BTBD3: variants seen among roughly 807,000 people sequenced by gnomAD.
The protein encoded by BTBD3 is BTB/POZ domain-containing protein 3.
Under a neutral mutation model 41.6 loss-of-function variants are expected in BTBD3, and 14 were observed. That is an observed-to-expected ratio of 0.34 (90% CI 0.22 to 0.53). BTBD3 has a LOEUF of 0.53. Ranked by LOEUF, BTBD3 falls within the 20% of genes least tolerant of loss-of-function variation. The pLI is 0.95. For synonymous variants in BTBD3, 249 were observed against 233.7 expected, an observed-to-expected ratio of 1.07 and a Z score of -0.60; for missense variants, 426 against 654.7, an observed-to-expected ratio of 0.65 and a Z score of 3.81.
chr20:11,901,258 G>T (rs1280792654), intron 1 of BTBD3, among the ~76,000 whole-genome samples: 1 of 152,228 alleles, frequency 6.6e-6, no homozygotes, highest in Non-Finnish European at 1.5e-5. Context: ...TTAGACATCA[G>T]TGTTGGGTGG....
chr20:11,914,155 A>C (rs2056904584), upstream of BTBD3, among the ~76,000 whole-genome samples: 1 of 152,220 alleles, frequency 6.6e-6, no homozygotes, highest in South Asian at 2.1e-4. Context: ...AGTAAAATGT[A>C]GCAGTAGACA....
rs2057016599 is a variant in BTBD3, at chr20:11,926,015, T to C, written c.*2349T>C. On this transcript the variant is annotated 3_prime_UTR_variant, in exon 4 of 4. Coordinates refer to ENST00000378226, the MANE Select transcript of BTBD3 (RefSeq NM_014962.4). ...AAAATTGTATTTAGAATAAGAAATT[T>C]TACATTTTAAACCCTATTGTCCTTT... 1 of 152,206 alleles carries C rather than the reference T, an allele frequency of 6.6e-6. No individual in the cohort carries two copies. The highest frequency in any genetic ancestry group is 6.5e-5 in the Admixed American group (1 of 15,282). 9.4% of individuals were successfully genotyped at this position (152,206 alleles called of 1,614,324 possible). A position where few individuals can be genotyped will look rare whatever the true frequency, so the allele number is the denominator to read the frequency against.
intron 3 of BTBD3, among the ~76,000 whole-genome samples, chr20:11,920,428 A>G (rs2056960449): frequency 6.6e-6 from 1 of 152,238 alleles, no homozygotes; most frequent in African/African-American, 2.4e-5. Flanking sequence ...AGATATGGAT[A>G]GTCTCGTACA....
At chr20:11,894,047 C>A (rs1258780979) in intron 1 of BTBD3, among the ~76,000 whole-genome samples, 1 of 152,260 alleles carries the variant, frequency 6.6e-6, no homozygotes, top group South Asian at 2.1e-4. Flanking sequence ...AGTATTAAAC[C>A]CTTTGGTTGC....
intron 1 of BTBD3, among the ~76,000 whole-genome samples, chr20:11,896,729 T>TTTATC (rs2056789337): frequency 6.6e-6 from 1 of 152,244 alleles, no homozygotes; most frequent in African/African-American, 2.4e-5. Context: ...GCATCTGCAG[T>TTTATC]TTATCTGCTG....
At chr20:11,892,497 T>C (rs1021207178) in intron 1 of BTBD3, 1 of 152,230 alleles carries the variant, frequency 6.6e-6, no homozygotes, top group African/African-American at 2.4e-5. Context: ...CTCTTCCTTT[T>C]CGGAAGAATT....
chr20:11,894,002 A>C (rs1314675728), intron 1 of BTBD3, among the ~76,000 whole-genome samples: 1 of 151,664 alleles, frequency 6.6e-6, no homozygotes, highest in Non-Finnish European at 1.5e-5. Context: ...CTGTTGTTTT[A>C]CGTATTATTT....
intron 1 of BTBD3, among the ~76,000 whole-genome samples, chr20:11,897,484 CAAAAAAA>C (rs71186168): frequency 7.6e-5 from 5 of 65,372 alleles, no homozygotes; most frequent in East Asian, 5.8e-4. Context: ...GTTATTTAAG[CAAAAAAA>C]AAAAAAAAAA....
At chr20:11,919,500 G>T in intron 2 of BTBD3, 1 of 1,253,982 alleles carries the variant, frequency 8.0e-7, no homozygotes, top group South Asian at 1.7e-5. Flanking sequence ...TAGTAATGAG[G>T]GGACATGTGC....
intron 3 of BTBD3, among the ~76,000 whole-genome samples, chr20:11,922,265 G>A (rs2056976489): frequency 6.6e-6 from 1 of 152,064 alleles, no homozygotes; most frequent in African/African-American, 2.4e-5. Flanking sequence ...ACTATTCTTG[G>A]TTAAATATAA....
At chr20:11,915,724 A>C (rs568324665), upstream of BTBD3, among the ~76,000 whole-genome samples, 30 of 152,312 alleles carry the variant, frequency 2.0e-4, no homozygotes, top group Non-Finnish European at 3.4e-4. Flanking sequence ...CATACATTGG[A>C]GTAATAATGC....
At chr20:11,907,933 G>A (rs907775394) in intron 1 of BTBD3, among the ~76,000 whole-genome samples, 1 of 152,166 alleles carries the variant, frequency 6.6e-6, no homozygotes, top group African/African-American at 2.4e-5. Flanking sequence ...TTCCGGGGCG[G>A]ATGCTTGTTT....
At chr20:11,898,904 A>G (rs1308534631) in intron 1 of BTBD3, among the ~76,000 whole-genome samples, 1 of 152,198 alleles carries the variant, frequency 6.6e-6, no homozygotes, top group African/African-American at 2.4e-5. Context: ...AAGTGCCCTG[A>G]TTCACATCTG....
intron 1 of BTBD3, among the ~76,000 whole-genome samples, chr20:11,900,233 A>C (rs1600229159): frequency 6.6e-6 from 1 of 152,318 alleles, no homozygotes; most frequent in East Asian, 1.9e-4. Flanking sequence ...GTGAAGACTC[A>C]TTCTTTTGAA....
chr20:11,891,015 G>C, intron 1 of BTBD3: 4 of 970,428 alleles, frequency 4.1e-6, no homozygotes, highest in Non-Finnish European at 4.9e-6. Flanking sequence ...GCGCGGGACC[G>C]CCCGGGCAGG....
intron 1 of BTBD3, among the ~76,000 whole-genome samples, chr20:11,898,088 G>A (rs1448610492): frequency 2.6e-5 from 4 of 152,154 alleles, no homozygotes; most frequent in African/African-American, 7.2e-5. Flanking sequence ...AACCTGGAAG[G>A]CGGAGGTTGC....
rs572809078 is a variant in BTBD3 at position 11,902,580 on chromosome 20, A to G, written c.-126+11626A>G. Among the ~76,000 whole-genome samples the G allele has an allele frequency of 5.3e-5, 8 of 152,346 alleles. No individual in the cohort carries two copies. The East Asian group carries it at 1.2e-3, about 22-fold the overall frequency. On this transcript the variant is annotated intron_variant, in intron 1 of 4. Coordinates refer to the BTBD3 transcript ENST00000254977. ...AATATATTGGGGAGAGAAAGTGCTC[A>G]TGCTGAGATGATTAGCATCATATGG...
At chr20:11,901,781 A>G (rs781149114) in intron 1 of BTBD3, among the ~76,000 whole-genome samples, 1 of 152,204 alleles carries the variant, frequency 6.6e-6, no homozygotes, top group Non-Finnish European at 1.5e-5. Flanking sequence ...AGGGATGTCA[A>G]TATATAATGG....
chr20:11,917,022 C>T (rs1195268030), upstream of BTBD3, among the ~76,000 whole-genome samples: 5 of 151,902 alleles, frequency 3.3e-5, no homozygotes, highest in East Asian at 1.9e-4. Flanking sequence ...AGGTGGAATC[C>T]GAACATTTAT....
Sources: gnomAD v4.1 joint callset for allele counts (sites outside exome capture counted in the v4.1 genomes callset) on GRCh38, gnomAD v4.1.1 for gene constraint, MANE v1.5 for transcripts, NCBI Gene and HGNC (gene_info 2026-07-23, HGNC 2026-07-21) for gene names.